Variants in APBA2 observed in about 807,000 individuals in gnomAD.
APBA2 encodes amyloid-beta A4 precursor protein-binding family A member 2.
Under a neutral mutation model 75.0 loss-of-function variants are expected in APBA2, and 30 were observed. That is an observed-to-expected ratio of 0.40 (90% CI 0.30 to 0.54). The LOEUF (loss-of-function observed/expected upper bound fraction) is 0.54. Among genes scored for constraint, APBA2 ranks in the 20% least tolerant of loss-of-function variants. The pLI is 0.49. For missense variants in APBA2, 801 were observed against 1,016.1 expected, an observed-to-expected ratio of 0.79 and a Z score of 2.88; for synonymous variants, 444 against 409.6, an observed-to-expected ratio of 1.08 and a Z score of -1.01.
In APBA2 at chr15:28,917,014, A is replaced by C. The variant is rs954152987; in HGVS notation, c.-204-4626A>C. On this transcript the variant is annotated intron_variant, in intron 1 of 14. Coordinates refer to ENST00000683413, the MANE Select transcript of APBA2 (RefSeq NM_001353788.2). ...CTAAAGAAATACACTTCTCAAAAAAAGGGAAAGCTAGCAAAAAAGCAATTC... is the reference window on the plus strand; with the variant it reads ...CTAAAGAAATACACTTCTCAAAAAACGGGAAAGCTAGCAAAAAAGCAATTC... 9.7e-4 allele frequency among the ~76,000 whole-genome samples: 148 copies of C among 152,326 alleles called. No homozygotes were observed. The South Asian group carries it at 0.012, about 12-fold the overall frequency.
chr15:29,090,341 A>G (rs2043498508), intron 6 of APBA2, among the ~76,000 whole-genome samples: 3 of 152,226 alleles, frequency 2.0e-5, no homozygotes, highest in Non-Finnish European at 1.5e-5. Context: ...GATGGGCCCC[A>G]GAGCTACTGA....
At position 28,908,986 on chromosome 15, in the gene APBA2, C is replaced by CTT. The variant is rs558056022; in HGVS notation, c.-204-12637_-204-12636dup. ...CCCCCGGCAGCCACCATTTTACTTC[C>CTT]TTTTTTTTTTTTTTTTTTGAGACAC... On this transcript the variant is annotated intron_variant, in intron 1 of 14. Coordinates refer to ENST00000683413, the MANE Select transcript of APBA2 (RefSeq NM_001353788.2). 2.2e-3 allele frequency among the ~76,000 whole-genome samples: 286 copies of CTT among 131,842 alleles called. 4 individuals are homozygous for CTT. The highest frequency in any genetic ancestry group is 0.012 in the South Asian group (51 of 4,082). The allele number at this position is 131,842 out of a possible 152,430, so 86.5% of individuals were successfully genotyped here. A position where few individuals can be genotyped will look rare whatever the true frequency, so the allele number is the denominator to read the frequency against.
intron 8 of APBA2, among the ~76,000 whole-genome samples, chr15:29,095,197 G>C (rs947058323): frequency 6.6e-6 from 1 of 152,242 alleles, no homozygotes. Context: ...GGAGGCCGAG[G>C]CGGGCGGATC....
chr15:29,111,217 G>C (rs1185136034), intron 13 of APBA2, among the ~76,000 whole-genome samples: 1 of 152,012 alleles, frequency 6.6e-6, no homozygotes, highest in East Asian at 1.9e-4. Context: ...CCAAGCGTCT[G>C]TGAAACTTGG....
At chr15:29,078,070 G>A (rs1409624528) in intron 6 of APBA2, among the ~76,000 whole-genome samples, 1 of 152,152 alleles carries the variant, frequency 6.6e-6, no homozygotes. Flanking sequence ...GCCGAGGCGG[G>A]TGGATCATGA....
intron 12 of APBA2, among the ~76,000 whole-genome samples, chr15:29,107,992 T>C (rs376466737): frequency 6.6e-6 from 1 of 152,152 alleles, no homozygotes; most frequent in South Asian, 2.1e-4. Context: ...CTGGGCTCGC[T>C]CCTGCAGTGG....
At chr15:28,928,392 TCAGA>T (rs1460181624) in intron 2 of APBA2, among the ~76,000 whole-genome samples, 1 of 152,120 alleles carries the variant, frequency 6.6e-6, no homozygotes, top group African/African-American at 2.4e-5. Context: ...ATTCCCTTCC[TCAGA>T]CAGAGTGAGT....
intron 6 of APBA2, among the ~76,000 whole-genome samples, chr15:29,089,453 A>G (rs2043448520): frequency 6.6e-6 from 1 of 152,086 alleles, no homozygotes; most frequent in Admixed American, 6.5e-5. Context: ...ACTCCCACAT[A>G]CACCTGTGCT....
intron 3 of APBA2, among the ~76,000 whole-genome samples, chr15:29,007,430 A>C (rs1468171026): frequency 6.6e-6 from 1 of 152,210 alleles, no homozygotes; most frequent in East Asian, 1.9e-4. Context: ...CACAGTCAGC[A>C]GTGAAAAGGC....
chr15:29,062,449 C>T (rs2042169901), intron 4 of APBA2, among the ~76,000 whole-genome samples: 1 of 152,158 alleles, frequency 6.6e-6, no homozygotes, highest in African/African-American at 2.4e-5. Context: ...CTGGCTGGCT[C>T]CGCATGAGCT....
At chr15:28,950,280 T>A (rs1005386136) in intron 2 of APBA2, among the ~76,000 whole-genome samples, 1 of 152,178 alleles carries the variant, frequency 6.6e-6, no homozygotes, top group South Asian at 2.1e-4. Flanking sequence ...TAACTATCGA[T>A]GTTGACCCCG....
chr15:28,913,552 A>G (rs2152654290), intron 1 of APBA2, among the ~76,000 whole-genome samples: 1 of 152,224 alleles, frequency 6.6e-6, no homozygotes, highest in Non-Finnish European at 1.5e-5. Flanking sequence ...GTAGTCCACC[A>G]CCAGGAGGTA....
intron 2 of APBA2, among the ~76,000 whole-genome samples, chr15:28,969,940 C>T (rs767954030): frequency 1.5e-4 from 23 of 152,352 alleles, no homozygotes; most frequent in African/African-American, 3.6e-4. Context: ...AGAGCCTCCT[C>T]GCTGCCTGCT....
chr15:29,045,040 C>G (rs1359280047), intron 3 of APBA2, among the ~76,000 whole-genome samples: 1 of 148,684 alleles, frequency 6.7e-6, no homozygotes, highest in Admixed American at 6.7e-5. Flanking sequence ...TTTTTTCCTT[C>G]CTTCCTTCCT....
intron 3 of APBA2, among the ~76,000 whole-genome samples, chr15:29,027,703 C>T (rs958978895): frequency 1.8e-4 from 27 of 151,740 alleles, no homozygotes; most frequent in South Asian, 6.3e-4. Flanking sequence ...CCCGGGTTCC[C>T]GCATTCTCCT....
chr15:28,957,790 T>C (rs11854795), intron 2 of APBA2, among the ~76,000 whole-genome samples: 50,924 of 152,112 alleles, frequency 0.33, 15,433 homozygotes, highest in African/African-American at 0.8. Context: ...GAACGCTGTC[T>C]CTTGCACCTG....
At chr15:28,976,643 T>C (rs2037352807) in intron 2 of APBA2, among the ~76,000 whole-genome samples, 1 of 152,238 alleles carries the variant, frequency 6.6e-6, no homozygotes, top group African/African-American at 2.4e-5. Context: ...TTTCTAATAT[T>C]ACACCAAGTT....
At chr15:29,083,611 A>C (rs1050474455) in intron 6 of APBA2, among the ~76,000 whole-genome samples, 3 of 152,082 alleles carry the variant, frequency 2.0e-5, no homozygotes, top group Non-Finnish European at 4.4e-5. Flanking sequence ...GCTCACTGCA[A>C]CCTTCGCCTT....
intron 6 of APBA2, among the ~76,000 whole-genome samples, chr15:29,084,971 T>G (rs1191565671): frequency 1.3e-5 from 2 of 152,222 alleles, no homozygotes; most frequent in Non-Finnish European, 2.9e-5. Context: ...TATTTTTGTG[T>G]TGTTCTATTG....
Sources: allele counts gnomAD v4.1 joint callset (sites outside exome capture counted in the v4.1 genomes callset), GRCh38; gene constraint gnomAD v4.1.1; transcripts MANE v1.5; gene names NCBI Gene and HGNC (gene_info 2026-07-23, HGNC 2026-07-21).